The following MDGA2 variants were observed in gnomAD, a reference collection of about 807,000 sequenced individuals.
MDGA2 encodes MAM domain containing glycosylphosphatidylinositol anchor 2.
Under a neutral mutation model 117.8 loss-of-function variants are expected in MDGA2, and 40 were observed. That is an observed-to-expected ratio of 0.34 (90% confidence interval 0.26 to 0.44). The LOEUF is 0.44. MDGA2 is among the 20% of genes least tolerant of loss of function. The pLI, the probability that MDGA2 is intolerant of heterozygous loss-of-function variation, is 1.00. For missense variants in MDGA2, 1,123 were observed against 1,250.6 expected, an observed-to-expected ratio of 0.90 and a Z score of 1.54; for synonymous variants, 452 against 439.0, an observed-to-expected ratio of 1.03 and a Z score of -0.37.
At chr14:47,616,848 A>C (rs754996517) in intron 1 of MDGA2, among the ~76,000 whole-genome samples, 2 of 152,240 alleles carry the variant, frequency 1.3e-5, no homozygotes, top group Non-Finnish European at 2.9e-5. Flanking sequence ...TATACTAGGT[A>C]GTCACTAATC....
chr14:46,965,342 C>T (rs1486600764), intron 8 of MDGA2, among the ~76,000 whole-genome samples: 2 of 152,056 alleles, frequency 1.3e-5, no homozygotes, highest in Non-Finnish European at 2.9e-5. Flanking sequence ...GTCATTTGCC[C>T]ACACCTGAAA....
intron 1 of MDGA2, among the ~76,000 whole-genome samples, chr14:47,310,676 G>T (rs912308489): frequency 9.9e-5 from 15 of 151,780 alleles, no homozygotes; most frequent in Non-Finnish European, 2.1e-4. Context: ...GGTTAAATTA[G>T]ATATTTACCA....
chr14:47,105,111 C>T (rs1478915712), intron 5 of MDGA2, among the ~76,000 whole-genome samples: 1 of 151,948 alleles, frequency 6.6e-6, no homozygotes. Context: ...GCAGGGACGC[C>T]GCCTTGGTCC....
At chr14:47,160,441 C>A (rs1181897015) in intron 3 of MDGA2, among the ~76,000 whole-genome samples, 1 of 152,076 alleles carries the variant, frequency 6.6e-6, no homozygotes, top group Non-Finnish European at 1.5e-5. Flanking sequence ...TGCCTATAAT[C>A]CCAGCACTTT....
intron 2 of MDGA2, among the ~76,000 whole-genome samples, chr14:47,249,781 A>G (rs932123716): frequency 3.9e-5 from 6 of 152,226 alleles, no homozygotes; most frequent in Non-Finnish European, 8.8e-5. Flanking sequence ...CCTACGGAGT[A>G]AGACACTTAT....
At chr14:47,272,317 C>A (rs1888172407) in intron 2 of MDGA2, among the ~76,000 whole-genome samples, 1 of 152,060 alleles carries the variant, frequency 6.6e-6, no homozygotes, top group Non-Finnish European at 1.5e-5. Context: ...GAAGTCAAAG[C>A]TAAAGGTCTT....
chr14:47,418,132 AGT>A (rs1489671610), intron 1 of MDGA2, among the ~76,000 whole-genome samples: 4 of 152,122 alleles, frequency 2.6e-5, no homozygotes, highest in Non-Finnish European at 5.9e-5. Context: ...GCTGGAGAAC[AGT>A]GGCATGATCT....
chr14:46,877,945 A>C (rs1882296998), intron 11 of MDGA2, among the ~76,000 whole-genome samples: 1 of 151,880 alleles, frequency 6.6e-6, no homozygotes, highest in Non-Finnish European at 1.5e-5. Context: ...ACTTCTACTG[A>C]GAGTAAAGTA....
chr14:47,462,016 A>T (rs1007107928), intron 1 of MDGA2, among the ~76,000 whole-genome samples: 1 of 152,202 alleles, frequency 6.6e-6, no homozygotes, highest in Non-Finnish European at 1.5e-5. Context: ...ACAGCTAACA[A>T]TACTTTCAGG....
intron 8 of MDGA2, among the ~76,000 whole-genome samples, chr14:46,997,436 T>C (rs546008694): frequency 8.5e-5 from 13 of 152,308 alleles, no homozygotes; most frequent in African/African-American, 2.9e-4. Flanking sequence ...AAGCTTGTTA[T>C]AACATCAGGT....
At chr14:47,463,144 A>T (rs1256201260) in intron 1 of MDGA2, among the ~76,000 whole-genome samples, 4 of 152,172 alleles carry the variant, frequency 2.6e-5, no homozygotes, top group Non-Finnish European at 5.9e-5. Flanking sequence ...AGGGCAACAA[A>T]CATTTTGTCA....
intron 1 of MDGA2, among the ~76,000 whole-genome samples, chr14:47,387,762 C>G (rs540165375): frequency 7.3e-4 from 111 of 152,272 alleles, no homozygotes; most frequent in African/African-American, 2.6e-3. Flanking sequence ...ACTCTAGACC[C>G]TGCATAGAAT....
intron 8 of MDGA2, among the ~76,000 whole-genome samples, chr14:46,967,911 A>G (rs1355336965): frequency 6.6e-6 from 1 of 152,210 alleles, no homozygotes; most frequent in Non-Finnish European, 1.5e-5. Context: ...CTTCTCTCTT[A>G]AAATACTATA....
chr14:47,217,764 A>C (rs1351557587), intron 3 of MDGA2, among the ~76,000 whole-genome samples: 2 of 152,080 alleles, frequency 1.3e-5, no homozygotes, highest in African/African-American at 4.8e-5. Flanking sequence ...TATTAGTGGG[A>C]TTACCAATGG....
At chr14:47,556,790 C>T (rs1393720044) in intron 1 of MDGA2, among the ~76,000 whole-genome samples, 1 of 152,178 alleles carries the variant, frequency 6.6e-6, no homozygotes, top group African/African-American at 2.4e-5. Context: ...AAAACTAAAA[C>T]GTTTAATTGG....
chr14:47,657,544 G>C (rs528179986), intron 1 of MDGA2, among the ~76,000 whole-genome samples: 9 of 152,268 alleles, frequency 5.9e-5, no homozygotes, highest in African/African-American at 2.2e-4. Context: ...TAGGCATTTG[G>C]TAGAAATTGA....
At chr14:47,155,882 CTTCTTCTTTTTTTTTTTTTT>C (rs1883351801) in intron 3 of MDGA2, among the ~76,000 whole-genome samples, 1 of 38,828 alleles carries the variant, frequency 2.6e-5, no homozygotes, top group Admixed American at 3.5e-4. Flanking sequence ...TTTTCTTCTT[CTTCTTCTTTTTTTTTTTTTT>C]TTTTTTTTTT....
chr14:47,100,983 C>T (rs549468279), intron 5 of MDGA2, among the ~76,000 whole-genome samples: 1 of 151,632 alleles, frequency 6.6e-6, no homozygotes, highest in East Asian at 1.9e-4. Flanking sequence ...GACATTGCCA[C>T]AGAGATTTGA....
intron 1 of MDGA2, among the ~76,000 whole-genome samples, chr14:47,503,801 CTGGAATA>C (rs1894453945): frequency 6.6e-6 from 1 of 152,190 alleles, no homozygotes; most frequent in East Asian, 1.9e-4. Flanking sequence ...TGCATATTCT[CTGGAATA>C]TGGTTGAGTG....
Sources: gnomAD v4.1 joint callset for allele counts (sites outside exome capture counted in the v4.1 genomes callset) on GRCh38, gnomAD v4.1.1 for gene constraint, MANE v1.5 for transcripts, NCBI Gene and HGNC (gene_info 2026-07-23, HGNC 2026-07-21) for gene names.